RBFOX3: variants seen among roughly 807,000 people sequenced by gnomAD.
The protein encoded by RBFOX3 is RNA binding protein fox-1 homolog 3.
A neutral mutation model predicts 48.7 loss-of-function variants in RBFOX3; 17 were observed. The observed-to-expected ratio is 0.35, with a 90% CI of 0.24 to 0.52. The LOEUF (loss-of-function observed/expected upper bound fraction) is 0.52, where lower values mean the gene tolerates loss of function less well. RBFOX3 is among the 20% of genes least tolerant of loss of function. The pLI, the probability that RBFOX3 is intolerant of heterozygous loss-of-function variation, is 0.94. For synonymous variants in RBFOX3, 212 were observed against 209.5 expected, an observed-to-expected ratio of 1.01 and a Z score of -0.10; for missense variants, 382 against 497.5, an observed-to-expected ratio of 0.77 and a Z score of 2.21.
rs1016864080 is a variant in RBFOX3, at chr17:79,570,285, T to C, written c.-320+40541A>G. Among the ~76,000 whole-genome samples the C allele has an allele frequency of 7.2e-4, 109 of 152,072 alleles. 1 individual carries two copies. The highest frequency in any genetic ancestry group is 2.6e-3 in the African/African-American group (107 of 41,482). ...GACAGATGGTGAATGGGCAGATGGATAGTAGAGAAGGAATGGACAGATGGA... is the reference window on the plus strand; with the variant it reads ...GACAGATGGTGAATGGGCAGATGGACAGTAGAGAAGGAATGGACAGATGGA... On this transcript the variant is annotated intron_variant, in intron 1 of 14. Transcript: ENST00000693108.
rs1297122885 is a variant in RBFOX3 at position 79,477,322 on chromosome 17, C to T, written c.-175+5132G>A. ...CTGTAATCCCAGCACTTTGGGAGGC[C>T]AAGGCAGGTGGATCACGAGGTCAGG... On this transcript the variant is annotated intron_variant, in intron 2 of 14. Coordinates refer to ENST00000693108, the MANE Select transcript of RBFOX3 (RefSeq NM_001350451.2). This position sits in a 1 kb window ranked among gnomAD's most constrained non-coding sequence, Gnocchi z 4.8. 6.1e-5 allele frequency among the ~76,000 whole-genome samples: 9 copies of T among 148,282 alleles called. No individual in the cohort carries two copies. The highest frequency in any genetic ancestry group is 2.0e-4 in the East Asian group (1 of 4,934).
At chr17:79,540,631 T>C (rs2089545336) in intron 1 of RBFOX3, among the ~76,000 whole-genome samples, 1 of 152,182 alleles carries the variant, frequency 6.6e-6, no homozygotes, top group Non-Finnish European at 1.5e-5. Flanking sequence ...AGACTCCATG[T>C]CATTCACATA....
At chr17:79,321,705 C>CT (rs55633027) in intron 2 of RBFOX3, among the ~76,000 whole-genome samples, 28,817 of 134,010 alleles carry the variant, frequency 0.22, 3,602 homozygotes, top group Middle Eastern at 0.33. Flanking sequence ...AGGAATCTGG[C>CT]TTTTTTTTTT....
intron 2 of RBFOX3, among the ~76,000 whole-genome samples, chr17:79,464,145 C>T (rs2076004031): frequency 6.6e-6 from 1 of 152,256 alleles, no homozygotes; most frequent in African/African-American, 2.4e-5. Context: ...TGGGAAGACG[C>T]AGGAGTGCAC....
intron 2 of RBFOX3, among the ~76,000 whole-genome samples, chr17:79,359,913 AG>A (rs1568107983): frequency 6.6e-6 from 1 of 152,074 alleles, no homozygotes; most frequent in Non-Finnish European, 1.5e-5. Flanking sequence ...ATTTGTAGAC[AG>A]GGGGTCTGGC....
At chr17:79,225,152 G>A (rs185803043) in intron 4 of RBFOX3, among the ~76,000 whole-genome samples, 2 of 152,126 alleles carry the variant, frequency 1.3e-5, no homozygotes, top group South Asian at 2.1e-4. Context: ...TGACCAGCAC[G>A]TACACAGCCC....
At chr17:79,578,172 G>A (rs1262051187) in intron 1 of RBFOX3, among the ~76,000 whole-genome samples, 4 of 152,236 alleles carry the variant, frequency 2.6e-5, no homozygotes, top group African/African-American at 4.8e-5. Flanking sequence ...CACCTGGAGC[G>A]CTTCTCTTAC....
At chr17:79,560,821 C>T (rs975218758) in intron 1 of RBFOX3, among the ~76,000 whole-genome samples, 63 of 152,334 alleles carry the variant, frequency 4.1e-4, no homozygotes, top group Non-Finnish European at 7.5e-4. Context: ...GGGTGGCATG[C>T]GGAGGACTTC....
chr17:79,451,281 C>T (rs28605932), intron 2 of RBFOX3, among the ~76,000 whole-genome samples: 3 of 152,118 alleles, frequency 2.0e-5, no homozygotes, highest in African/African-American at 4.8e-5. Context: ...CTAATTTATT[C>T]GGCTCAGTCA....
At chr17:79,618,985 C>G in the RBFOX3 span, among the ~76,000 whole-genome samples, 1 of 152,300 alleles carries the variant, frequency 6.6e-6, no homozygotes, top group South Asian at 2.1e-4. Context: ...ATGGAGGCAA[C>G]AGGGCAAGAA....
At chr17:79,514,482 C>G (rs1159210474) in intron 1 of RBFOX3, among the ~76,000 whole-genome samples, 1 of 152,284 alleles carries the variant, frequency 6.6e-6, no homozygotes, top group Non-Finnish European at 1.5e-5. Flanking sequence ...CTCACACACC[C>G]AGGTGGCCTG....
At chr17:79,110,130 C>CAAAAA (rs34151285) in intron 5 of RBFOX3, among the ~76,000 whole-genome samples, 1 of 132,352 alleles carries the variant, frequency 7.6e-6, no homozygotes. Context: ...TTCCCCCACT[C>CAAAAA]AAAAAAAAAA....
intron 2 of RBFOX3, among the ~76,000 whole-genome samples, chr17:79,342,979 C>A (rs112817734): frequency 2.8e-5 from 4 of 143,772 alleles, no homozygotes; most frequent in African/African-American, 7.7e-5. Context: ...AGAGAAAGAG[C>A]GAGAGAGAGA....
intron 2 of RBFOX3, among the ~76,000 whole-genome samples, chr17:79,425,834 G>C (rs949858821): frequency 2.0e-4 from 31 of 152,120 alleles, no homozygotes; most frequent in Non-Finnish European, 2.2e-4. Context: ...GGAGAGGATG[G>C]GGGGAGGAGA....
In RBFOX3 at chr17:79,330,136, C is replaced by T. The variant is rs116588921; in HGVS notation, c.-174-22312G>A. Among the ~76,000 whole-genome samples the T allele has an allele frequency of 3.4e-3, 524 of 152,310 alleles. 2 individuals carry two copies. The highest frequency in any genetic ancestry group is 0.012 in the African/African-American group (496 of 41,572). ...GTGTGTGTGCAGGTGCGTGTGGGCGCGCGTGTACCTGCGTGTCTTCACTGC... is the reference window on the plus strand; with the variant it reads ...GTGTGTGTGCAGGTGCGTGTGGGCGTGCGTGTACCTGCGTGTCTTCACTGC... On this transcript the variant is annotated intron_variant, in intron 2 of 14. Transcript: ENST00000693108.
chr17:79,521,751 A>G (rs1442235371), intron 1 of RBFOX3, among the ~76,000 whole-genome samples: 1 of 152,248 alleles, frequency 6.6e-6, no homozygotes, highest in Admixed American at 6.5e-5. Context: ...ATATACATAC[A>G]CAAATACATA....
intron 1 of RBFOX3, among the ~76,000 whole-genome samples, chr17:79,578,527 G>A (rs2092937055): frequency 6.6e-6 from 1 of 152,332 alleles, no homozygotes; most frequent in East Asian, 1.9e-4. Flanking sequence ...TTGGAGGCAG[G>A]TAGATGAGGT....
intron 1 of RBFOX3, among the ~76,000 whole-genome samples, chr17:79,561,420 T>G (rs1289453161): frequency 6.6e-6 from 1 of 151,788 alleles, no homozygotes; most frequent in African/African-American, 2.4e-5. Context: ...CCCCAAGGAT[T>G]AAGGGTGAGC....
intron 2 of RBFOX3, among the ~76,000 whole-genome samples, chr17:79,430,111 G>A (rs2068141923): frequency 1.3e-5 from 2 of 152,122 alleles, no homozygotes; most frequent in Non-Finnish European, 2.9e-5. Context: ...TTCCCCCAGC[G>A]TTGCACTCAG....
Sources: gnomAD v4.1 joint callset for allele counts (sites outside exome capture counted in the v4.1 genomes callset) on GRCh38, gnomAD v4.1.1 for gene constraint, Gnocchi (gnomAD v3.1) non-coding constraint, MANE v1.5 for transcripts, NCBI Gene and HGNC (gene_info 2026-07-23, HGNC 2026-07-21) for gene names.